Variants in BCKDHB observed in about 807,000 individuals in gnomAD.
BCKDHB encodes branched chain keto acid dehydrogenase E1 subunit beta.
Under a neutral mutation model 48.5 loss-of-function variants are expected in BCKDHB, and 41 were observed. The observed-to-expected ratio is 0.85, with a 90% CI of 0.66 to 1.10. The LOEUF (loss-of-function observed/expected upper bound fraction) is 1.10, where lower values mean the gene tolerates loss of function less well. Ranked by LOEUF, BCKDHB falls within the 50% of genes least tolerant of loss-of-function variation. The pLI is 0.00. For synonymous variants in BCKDHB, 201 were observed against 174.8 expected (o/e 1.15, Z -1.18); for missense variants, 496 against 494.2 (o/e 1.00, Z -0.03).
intron 9 of BCKDHB, among the ~76,000 whole-genome samples, chr6:80,313,895 C>T (rs938767250): frequency 9.2e-5 from 14 of 152,026 alleles, no homozygotes; most frequent in African/African-American, 2.2e-4. Context: ...AGCTTTTTTA[C>T]GTGGGCATTT....
chr6:80,159,433 T>C (rs1343021297), intron 3 of BCKDHB, among the ~76,000 whole-genome samples: 1 of 152,206 alleles, frequency 6.6e-6, no homozygotes, highest in Admixed American at 6.5e-5. Flanking sequence ...TGTATCCCAA[T>C]ACAAGATAAA....
chr6:80,138,524 A>G (rs1308373048), intron 3 of BCKDHB, among the ~76,000 whole-genome samples: 1 of 151,702 alleles, frequency 6.6e-6, no homozygotes, highest in Non-Finnish European at 1.5e-5. Context: ...ATTCCCACCT[A>G]TGAGTGAGAA....
the BCKDHB span, among the ~76,000 whole-genome samples, chr6:80,404,457 T>C: frequency 1.5e-5 from 1 of 66,412 alleles, no homozygotes; most frequent in Non-Finnish European, 6.3e-5. Context: ...AGTCTTCTGT[T>C]TTTTTTCCCT....
intron 9 of BCKDHB, among the ~76,000 whole-genome samples, chr6:80,276,543 A>G (rs1278618271): frequency 1.3e-5 from 2 of 151,900 alleles, no homozygotes; most frequent in Non-Finnish European, 2.9e-5. Context: ...TTATTTTAGT[A>G]TACAGATCAA....
intron 9 of BCKDHB, among the ~76,000 whole-genome samples, chr6:80,290,184 A>G (rs1179571): frequency 0.92 from 139,510 of 152,214 alleles, 64,014 homozygotes; most frequent in East Asian, 0.99. Context: ...TTTGGGAGTA[A>G]GTAGCCAAGA....
At chr6:80,311,519 T>C (rs1025526608) in intron 9 of BCKDHB, among the ~76,000 whole-genome samples, 5 of 152,210 alleles carry the variant, frequency 3.3e-5, no homozygotes, top group African/African-American at 1.2e-4. Flanking sequence ...TGTGCTTATG[T>C]CCTATTGCCT....
At chr6:80,415,753 C>A in the BCKDHB span, among the ~76,000 whole-genome samples, 1 of 152,022 alleles carries the variant, frequency 6.6e-6, no homozygotes, top group Non-Finnish European at 1.5e-5. Flanking sequence ...GCGTCTCTGC[C>A]AGGTTTTGGT....
chr6:80,425,161 A>G, the BCKDHB span, among the ~76,000 whole-genome samples: 1 of 152,210 alleles, frequency 6.6e-6, no homozygotes, highest in Non-Finnish European at 1.5e-5. Context: ...CACACACAAA[A>G]CATTCTCCAA....
At chr6:80,293,034 C>A (rs1246942622) in intron 9 of BCKDHB, among the ~76,000 whole-genome samples, 11 of 152,348 alleles carry the variant, frequency 7.2e-5, no homozygotes, top group Non-Finnish European at 2.9e-5. Context: ...CTCCTGGCCA[C>A]TTTCTCAGGC....
At chr6:80,457,602 T>C in the BCKDHB span, among the ~76,000 whole-genome samples, 1 of 152,204 alleles carries the variant, frequency 6.6e-6, no homozygotes, top group South Asian at 2.1e-4. Flanking sequence ...CTCAGCACTC[T>C]TGTGCTAATG....
At chr6:80,238,018 A>G (rs943805728) in intron 8 of BCKDHB, among the ~76,000 whole-genome samples, 2 of 152,212 alleles carry the variant, frequency 1.3e-5, no homozygotes, top group African/African-American at 4.8e-5. Flanking sequence ...TTTGGGTGGC[A>G]TAAATTTATA....
intron 5 of BCKDHB, 41 bp downstream of exon 5, chr6:80,169,071 T>A: frequency 3.1e-6 from 5 of 1,599,370 alleles, no homozygotes; most frequent in Non-Finnish European, 4.3e-6. Flanking sequence ...CTATTTGATG[T>A]TTCCATTTTG....
At chr6:80,335,310 C>G (rs1769528362) in intron 9 of BCKDHB, among the ~76,000 whole-genome samples, 1 of 150,976 alleles carries the variant, frequency 6.6e-6, no homozygotes, top group Non-Finnish European at 1.5e-5. Context: ...TTTTACATTT[C>G]TTGGTGCCAA....
chr6:80,382,704 T>A, the BCKDHB span, among the ~76,000 whole-genome samples: 24 of 152,184 alleles, frequency 1.6e-4, no homozygotes, highest in East Asian at 7.7e-4. Context: ...ATATATATAT[T>A]CATTTCCATT....
chr6:80,124,118 A>G (rs759639093), intron 1 of BCKDHB, among the ~76,000 whole-genome samples: 3 of 152,162 alleles, frequency 2.0e-5, no homozygotes, highest in African/African-American at 7.2e-5. Flanking sequence ...ATTTCAAAGA[A>G]CTTCTTTATT....
chr6:80,300,780 TA>T (rs933224684), intron 9 of BCKDHB, among the ~76,000 whole-genome samples: 3 of 152,106 alleles, frequency 2.0e-5, no homozygotes, highest in Non-Finnish European at 4.4e-5. Flanking sequence ...TTAATAAATT[TA>T]AAAACAAATG....
At chr6:80,232,356 A>G (rs1482058873) in intron 8 of BCKDHB, among the ~76,000 whole-genome samples, 1 of 152,014 alleles carries the variant, frequency 6.6e-6, no homozygotes, top group African/African-American at 2.4e-5. Context: ...AGAACTGTTA[A>G]CAGAGAGAGG....
At chr6:80,158,826 C>T (rs997829488) in intron 3 of BCKDHB, among the ~76,000 whole-genome samples, 3 of 152,172 alleles carry the variant, frequency 2.0e-5, no homozygotes, top group African/African-American at 7.2e-5. Context: ...TCTTAGTAAC[C>T]AAGGCAACAT....
At chr6:80,264,699 C>G (rs572073750) in intron 8 of BCKDHB, among the ~76,000 whole-genome samples, 46 of 152,112 alleles carry the variant, frequency 3.0e-4, no homozygotes, top group African/African-American at 1.1e-3. Flanking sequence ...GAAACCAGAA[C>G]GTGATGCTTT....
Sources: allele counts gnomAD v4.1 joint callset (sites outside exome capture counted in the v4.1 genomes callset), GRCh38; gene constraint gnomAD v4.1.1; transcripts MANE v1.5; gene names NCBI Gene and HGNC (gene_info 2026-07-23, HGNC 2026-07-21).